CNGB1: variants seen among roughly 807,000 people sequenced by gnomAD.
The protein encoded by CNGB1 is cyclic nucleotide gated channel subunit beta 1.
CNGB1 carries 126 observed loss-of-function variants against 151.7 expected under a neutral mutation model. That is an observed-to-expected ratio of 0.83 (90% CI 0.72 to 0.96). The LOEUF is 0.96. Among genes scored for constraint, CNGB1 ranks in the 40% least tolerant of loss-of-function variants. The probability of loss-of-function intolerance (pLI) is 0.00; values close to 1 mark genes in which losing one functional copy is unlikely to be tolerated. For missense variants in CNGB1, 1,698 were observed against 1,627.0 expected (o/e 1.04, Z -0.75); for synonymous variants, 623 against 635.1 (o/e 0.98, Z 0.29).
intron 29 of CNGB1, among the ~76,000 whole-genome samples, chr16:57,901,053 T>G (rs1442375019): frequency 7.3e-5 from 3 of 41,108 alleles, no homozygotes; most frequent in South Asian, 3.7e-3. Context: ...TTCTGTAAGG[T>G]GGAGTTGGGG....
intron 32 of CNGB1, among the ~76,000 whole-genome samples, 181 bp downstream of exon 32, chr16:57,887,674 G>T (rs142157987): frequency 6.6e-6 from 1 of 152,122 alleles, no homozygotes; most frequent in Admixed American, 6.6e-5. Context: ...CCTAATTCCC[G>T]TTTTTCTCAA....
At chr16:57,923,215 C>T (rs1005804472) in intron 18 of CNGB1, 58 bp downstream of exon 18, 5 of 1,308,282 alleles carry the variant, frequency 3.8e-6, no homozygotes, top group Non-Finnish European at 4.3e-6. Flanking sequence ...CTAGCCCCCC[C>T]ACATCCCCCA....
rs137992737 is a variant in CNGB1 at position 57,894,225 on chromosome 16, G to A, written c.3242+3172C>T. ...TCTGCACTGATAGACAATGATTTCCGGGTTTTGTCGTCATGTGGAAACAAA... is the reference window on the plus strand; with the variant it reads ...TCTGCACTGATAGACAATGATTTCCAGGTTTTGTCGTCATGTGGAAACAAA... On this transcript the variant is annotated intron_variant, in intron 31 of 32. Transcript: ENST00000251102. 3.5e-3 allele frequency among the ~76,000 whole-genome samples: 528 copies of A among 152,304 alleles called. 3 individuals are homozygous for A. Among genetic ancestry groups the A allele is most frequent in the African/African-American group, 0.012 (498 of 41,562 alleles).
intron 14 of CNGB1, among the ~76,000 whole-genome samples, chr16:57,947,364 C>T (rs1294428948): frequency 6.6e-6 from 1 of 152,138 alleles, no homozygotes; most frequent in African/African-American, 2.4e-5. Context: ...GCTATACACC[C>T]CACACAGAAG....
rs544767115 is a variant in CNGB1, at chr16:57,926,028, G to C, written c.1536-2648C>G. Among the ~76,000 whole-genome samples, 18 of 152,284 alleles carry C rather than the reference G, an allele frequency of 1.2e-4. No individual in the cohort carries two copies. The East Asian group carries it at 3.5e-3, about 29-fold the overall frequency. The stretch of plus-strand genomic sequence containing the variant: ...CAGGGCCTTCATTTCCGTGAGGTTT[G>C]ATCAGAAATGGAATCCACAGGCAGG... On this transcript the variant is annotated intron_variant, in intron 17 of 32. Transcript: ENST00000251102.
rs576559986 is a variant in CNGB1, at chr16:57,955,028, C to T, written c.874+2313G>A. Reference sequence around the variant, plus strand: ...CCTCCCAAAGTGCTGGGATTACAGGCGTGAGCCACCACGCCCGGCTATGGG... The same window carrying T: ...CCTCCCAAAGTGCTGGGATTACAGGTGTGAGCCACCACGCCCGGCTATGGG... On this transcript the variant is annotated intron_variant, in intron 12 of 32. Coordinates refer to ENST00000251102, the MANE Select transcript of CNGB1 (RefSeq NM_001297.5). 5.8e-6 allele frequency: 7 copies of T among 1,216,438 alleles called. No individual in the cohort carries two copies. In the African/African-American group the frequency reaches 9.2e-5, roughly 16 times the overall value. The allele number at this position is 1,216,438 out of a possible 1,614,324, so 75.4% of individuals were successfully genotyped here.
chr16:57,965,362 C>G (rs138177201), intron 2 of CNGB1, among the ~76,000 whole-genome samples: 170 of 152,244 alleles, frequency 1.1e-3, no homozygotes, highest in African/African-American at 3.8e-3. Flanking sequence ...CATATGCAAA[C>G]GTGCATATAC....
chr16:57,910,331 G>A (rs1368360448), intron 25 of CNGB1, among the ~76,000 whole-genome samples: 1 of 152,068 alleles, frequency 6.6e-6, no homozygotes, highest in Admixed American at 6.6e-5. Context: ...TCTTTCTACT[G>A]ATAACTCTTT....
At chr16:57,921,398 T>C (rs1334870148) in intron 18 of CNGB1, among the ~76,000 whole-genome samples, 1 of 151,908 alleles carries the variant, frequency 6.6e-6, no homozygotes, top group African/African-American at 2.4e-5. Context: ...ATTTTTGTAG[T>C]TTTAGTAGAG....
chr16:57,962,325 T>C (rs1296171004), intron 7 of CNGB1, among the ~76,000 whole-genome samples: 2 of 151,990 alleles, frequency 1.3e-5, no homozygotes, highest in African/African-American at 4.8e-5. Context: ...TCTCAGAGGG[T>C]GGCCCCACCC....
chr16:57,913,115 A>G lies in CNGB1; in HGVS notation c.2305-121T>C, dbSNP rs183104714. On this transcript the variant is annotated intron_variant, in intron 23 of 32. Transcript: ENST00000251102. Reference sequence around the variant, plus strand: ...GCCCCCAGGAGGGAACAGGACGGTGAGCATTCAATATCAGAAGTCCTCAGC... The same window carrying G: ...GCCCCCAGGAGGGAACAGGACGGTGGGCATTCAATATCAGAAGTCCTCAGC... The G allele has an allele frequency of 2.9e-5, 25 of 850,270 alleles. No homozygotes were observed. The East Asian group carries it at 6.0e-4, about 20-fold the overall frequency. 52.7% of individuals were successfully genotyped at this position (850,270 alleles called of 1,614,324 possible). A position where few individuals can be genotyped will look rare whatever the true frequency, so the allele number is the denominator to read the frequency against.
intron 16 of CNGB1, among the ~76,000 whole-genome samples, chr16:57,935,470 A>G (rs566151621): frequency 6.6e-6 from 1 of 152,278 alleles, no homozygotes; most frequent in South Asian, 2.1e-4. Context: ...ACCTGAGGTC[A>G]GGAGTTCAAG....
chr16:57,901,318 C>T (rs554444102), intron 29 of CNGB1, 34 bp downstream of exon 29: 36 of 1,607,114 alleles, frequency 2.2e-5, no homozygotes, highest in Middle Eastern at 1.7e-4. Flanking sequence ...GATGGTGAAC[C>T]CCAGATCCCG....
intron 19 of CNGB1, among the ~76,000 whole-genome samples, 198 bp downstream of exon 19, chr16:57,920,189 C>T (rs1156659654): frequency 3.3e-5 from 5 of 152,184 alleles, no homozygotes; most frequent in African/African-American, 1.2e-4. Context: ...GATTGTTGGT[C>T]AGAACTTTGA....
intron 29 of CNGB1, 138 bp from the exon 30 acceptor site, chr16:57,898,052 G>A (rs1960283344): frequency 1.2e-6 from 1 of 837,808 alleles, no homozygotes; most frequent in Admixed American, 1.8e-5. Flanking sequence ...CACAACTTGG[G>A]GTGTCGTGTG....
chr16:57,963,266 C>T (rs1256212149), intron 4 of CNGB1, among the ~76,000 whole-genome samples: 1 of 152,194 alleles, frequency 6.6e-6, no homozygotes, highest in Non-Finnish European at 1.5e-5. Flanking sequence ...GAATCCTAAA[C>T]CACTGTCTCC....
intron 17 of CNGB1, among the ~76,000 whole-genome samples, chr16:57,926,956 C>T (rs1172171713): frequency 6.6e-6 from 1 of 152,150 alleles, no homozygotes; most frequent in African/African-American, 2.4e-5. Context: ...GCCTGGGCAA[C>T]AGGCAACAAG....
chr16:57,950,288 C>T (rs1961914770), intron 13 of CNGB1, 93 bp downstream of exon 13: 2 of 1,494,324 alleles, frequency 1.3e-6, no homozygotes, highest in Admixed American at 1.7e-5. Flanking sequence ...TTGGTTCCTG[C>T]TCTGTGCCTT....
chr16:57,921,386 T>A (rs1397282899), intron 18 of CNGB1, among the ~76,000 whole-genome samples: 2 of 152,060 alleles, frequency 1.3e-5, no homozygotes, highest in African/African-American at 4.8e-5. Flanking sequence ...CAAGCCTGAC[T>A]AATTTTTGTA....
Sources: gnomAD v4.1 joint callset for allele counts (sites outside exome capture counted in the v4.1 genomes callset) on GRCh38, gnomAD v4.1.1 for gene constraint, MANE v1.5 for transcripts, NCBI Gene and HGNC (gene_info 2026-07-23, HGNC 2026-07-21) for gene names.